Variants in UNC5C observed in about 807,000 individuals in gnomAD.
UNC5C encodes unc-5 netrin receptor C, also known as netrin receptor UNC5C.
In UNC5C, 47 loss-of-function variants were observed where a neutral mutation model predicts 99.8. That is an observed-to-expected ratio of 0.47 (90% confidence interval 0.37 to 0.60). UNC5C has a LOEUF of 0.60. UNC5C is among the 20% of genes least tolerant of loss of function. The pLI is 0.00. For synonymous variants in UNC5C, 487 were observed against 452.2 expected (o/e 1.08, Z -0.98); for missense variants, 1,062 against 1,165.9 (o/e 0.91, Z 1.30).
intron 2 of UNC5C, among the ~76,000 whole-genome samples, chr4:95,320,944 T>C (rs1742665294): frequency 6.6e-6 from 1 of 152,192 alleles, no homozygotes; most frequent in African/African-American, 2.4e-5. Flanking sequence ...TTATGTTTCT[T>C]ACACTAAAAA....
intron 2 of UNC5C, among the ~76,000 whole-genome samples, chr4:95,309,767 C>T (rs1188122165): frequency 6.6e-6 from 1 of 152,016 alleles, no homozygotes; most frequent in Non-Finnish European, 1.5e-5. Flanking sequence ...ATCAAAAAGA[C>T]AAAAGATAAC....
intron 1 of UNC5C, among the ~76,000 whole-genome samples, chr4:95,537,597 A>G (rs1261916357): frequency 6.6e-6 from 1 of 152,228 alleles, no homozygotes; most frequent in Admixed American, 6.5e-5. Context: ...CTTGCCTTTC[A>G]GATGATTGAA....
At chr4:95,186,074 A>C (rs1736817513) in intron 12 of UNC5C, among the ~76,000 whole-genome samples, 1 of 152,190 alleles carries the variant, frequency 6.6e-6, no homozygotes, top group Non-Finnish European at 1.5e-5. Flanking sequence ...TTATCCAAAC[A>C]GCAGCAAACC....
intron 1 of UNC5C, among the ~76,000 whole-genome samples, chr4:95,485,372 T>C (rs190097575): frequency 6.1e-4 from 93 of 151,938 alleles, no homozygotes; most frequent in African/African-American, 2.2e-3. Flanking sequence ...GCTATTTATT[T>C]AGGAAACGTG....
chr4:95,506,493 C>G (rs183920272), intron 1 of UNC5C, among the ~76,000 whole-genome samples: 1 of 152,072 alleles, frequency 6.6e-6, no homozygotes, highest in Non-Finnish European at 1.5e-5. Context: ...TATCCTGTCA[C>G]TCACATATTT....
rs923678632 is a variant in UNC5C, at chr4:95,261,888, A to G, written c.595-11221T>C. Among the ~76,000 whole-genome samples the G allele has an allele frequency of 2.6e-5, 4 of 152,058 alleles. No individual in the cohort carries two copies. The East Asian group carries it at 5.8e-4, about 22-fold the overall frequency. On this transcript the variant is annotated intron_variant, in intron 4 of 15. Coordinates refer to ENST00000453304, the MANE Select transcript of UNC5C (RefSeq NM_003728.4). ...CCAGCTAATTTTTTCTATTTTTACTAGAGATGGGGTTTCACCGTGTTAGCC... is the reference window on the plus strand; with the variant it reads ...CCAGCTAATTTTTTCTATTTTTACTGGAGATGGGGTTTCACCGTGTTAGCC...
intron 14 of UNC5C, 92 bp downstream of exon 14, chr4:95,182,805 T>G (rs549035403): frequency 1.2e-5 from 17 of 1,382,640 alleles, no homozygotes; most frequent in African/African-American, 1.1e-4. Context: ...ACTTCCCATA[T>G]GGACTATGTT....
intron 1 of UNC5C, among the ~76,000 whole-genome samples, chr4:95,337,775 C>T (rs905740474): frequency 6.6e-6 from 1 of 151,918 alleles, no homozygotes. Flanking sequence ...GAAAATGCAA[C>T]TTATTAAGGA....
At chr4:95,320,430 A>T (rs1186762216) in intron 2 of UNC5C, among the ~76,000 whole-genome samples, 1 of 146,808 alleles carries the variant, frequency 6.8e-6, no homozygotes, top group African/African-American at 2.5e-5. Context: ...CTCAAAAAAA[A>T]AAAAAAAAGA....
chr4:95,216,142 T>C lies in UNC5C; in HGVS notation c.1715A>G (p.His572Arg), dbSNP rs1220027112. The C allele has an allele frequency of 6.2e-7, 1 of 1,613,662 alleles. No individual in the cohort carries two copies. Among genetic ancestry groups the C allele is most frequent in the Admixed American group, 1.7e-5 (1 of 59,972 alleles). ...GRVYEMYVTVHRKETMRPPMD... is the reference protein window; with the variant it reads ...GRVYEMYVTVRRKETMRPPMD... ...TATTTACCTCATAGTTTCTTTCCTG[T>C]GTACAGTCACATACATTTCGTAGAC... The change falls in exon 10 of 16, where the codon CAC (histidine) becomes CGC (arginine). Residue 572 changes from histidine to arginine, a missense_variant. By Grantham distance (29) the His-to-Arg change is conservative. Transcript: ENST00000453304.
chr4:95,330,217 AG>A (rs1379203923), intron 2 of UNC5C, among the ~76,000 whole-genome samples: 89 of 152,160 alleles, frequency 5.8e-4, no homozygotes, highest in Admixed American at 8.5e-4. Context: ...TAACTTCTTT[AG>A]CATTATATTT....
intron 3 of UNC5C, among the ~76,000 whole-genome samples, chr4:95,292,002 T>G (rs1045359115): frequency 8.6e-5 from 13 of 151,964 alleles, no homozygotes; most frequent in Non-Finnish European, 1.8e-4. Flanking sequence ...TAGAACTGTT[T>G]ATAGTATGAC....
chr4:95,261,368 C>T (rs1002360476), intron 4 of UNC5C, among the ~76,000 whole-genome samples: 5 of 152,140 alleles, frequency 3.3e-5, no homozygotes, highest in African/African-American at 1.2e-4. Context: ...ATTTTAGGGG[C>T]ATCAGGAAAG....
At chr4:95,520,918 T>C (rs1033142438) in intron 1 of UNC5C, among the ~76,000 whole-genome samples, 1 of 151,994 alleles carries the variant, frequency 6.6e-6, no homozygotes, top group African/African-American at 2.4e-5. Flanking sequence ...CTCTTTATTG[T>C]AACCTGGGTA....
At chr4:95,302,715 A>G (rs888980140) in intron 2 of UNC5C, among the ~76,000 whole-genome samples, 6 of 152,190 alleles carry the variant, frequency 3.9e-5, no homozygotes, top group African/African-American at 1.2e-4. Context: ...ATGATTAAAT[A>G]TATTGTTTTG....
intron 1 of UNC5C, among the ~76,000 whole-genome samples, chr4:95,520,380 T>A (rs978060955): frequency 6.6e-6 from 1 of 152,156 alleles, no homozygotes; most frequent in African/African-American, 2.4e-5. Flanking sequence ...TCATTGTACT[T>A]GTCAGGTTAT....
At chr4:95,256,695 AATAAATAT>A (rs1437083651) in intron 4 of UNC5C, among the ~76,000 whole-genome samples, 3 of 110,872 alleles carry the variant, frequency 2.7e-5, no homozygotes, top group Non-Finnish European at 3.5e-5. Context: ...GACAGAACTA[AATAAATAT>A]ATATATATAT....
chr4:95,394,162 ATTTAT>A (rs943916188), intron 1 of UNC5C, among the ~76,000 whole-genome samples: 1 of 151,788 alleles, frequency 6.6e-6, no homozygotes, highest in African/African-American at 2.4e-5. Flanking sequence ...TCTCCATTTG[ATTTAT>A]TTTAAAAGTT....
At chr4:95,225,833 G>T (rs772414638) in intron 7 of UNC5C, among the ~76,000 whole-genome samples, 10 of 152,088 alleles carry the variant, frequency 6.6e-5, no homozygotes, top group Non-Finnish European at 1.2e-4. Context: ...GTTATGTAAG[G>T]CATCCCTGTA....
Sources: gnomAD v4.1 joint callset for allele counts (sites outside exome capture counted in the v4.1 genomes callset) on GRCh38, gnomAD v4.1.1 for gene constraint, MANE v1.5 for transcripts, NCBI Gene and HGNC (gene_info 2026-07-23, HGNC 2026-07-21) for gene names.